Variants in SYNE2 observed in about 807,000 individuals in gnomAD.
The protein encoded by SYNE2 is spectrin repeat containing nuclear envelope protein 2.
Under a neutral mutation model 856.3 loss-of-function variants are expected in SYNE2, and 431 were observed. That is an observed-to-expected ratio of 0.50 (90% CI 0.47 to 0.55). The LOEUF (loss-of-function observed/expected upper bound fraction) is 0.55, where lower values mean the gene tolerates loss of function less well. Ranked by LOEUF, SYNE2 falls within the 20% of genes least tolerant of loss-of-function variation. The probability of loss-of-function intolerance (pLI) is 0.00; values close to 1 mark genes in which losing one functional copy is unlikely to be tolerated. For missense variants in SYNE2, 8,129 were observed against 8,023.2 expected (o/e 1.01, Z -0.50); for synonymous variants, 2,923 against 2,872.3 (o/e 1.02, Z -0.56).
rs796655479 is a variant in SYNE2, at chr14:63,779,165, C to CA, written c.-305+17190dup. Among the ~76,000 whole-genome samples the CA allele has an allele frequency of 4.7e-3, 665 of 140,852 alleles. 3 individuals carry two copies. The highest frequency in any genetic ancestry group is 0.036 in the Middle Eastern group (10 of 276). The allele number at this position is 140,852 out of a possible 152,430, so 92.4% of individuals were successfully genotyped here. On this transcript the variant is annotated intron_variant, in intron 1 of 23. Coordinates refer to the SYNE2 transcript ENST00000674003. ...TGAAACCCCATTTCTACTAAAAATA[C>CA]AAAAAAAAAAATAGCCTGACATGGT...
intron 84 of SYNE2, among the ~76,000 whole-genome samples, chr14:64,151,279 A>G (rs1567472909): frequency 6.6e-6 from 1 of 151,898 alleles, no homozygotes; most frequent in South Asian, 2.1e-4. Flanking sequence ...GCGGGACTGG[A>G]TTTCAGTGCT....
intron 1 of SYNE2, among the ~76,000 whole-genome samples, chr14:63,855,717 C>T (rs908815470): frequency 6.6e-6 from 1 of 152,194 alleles, no homozygotes; most frequent in African/African-American, 2.4e-5. Context: ...GCACTTATGG[C>T]TATATCATAT....
intron 50 of SYNE2, among the ~76,000 whole-genome samples, chr14:64,065,183 T>C (rs2097349433): frequency 6.6e-6 from 1 of 151,928 alleles, no homozygotes; most frequent in African/African-American, 2.4e-5. Flanking sequence ...TTTGAAAGTA[T>C]GTTCTTTCTT....
At position 64,211,301 on chromosome 14, in the gene SYNE2, G is replaced by T. The variant is rs17101717; in HGVS notation, c.18724-660G>T. Among the ~76,000 whole-genome samples, 402 of 152,280 alleles carry T rather than the reference G, an allele frequency of 2.6e-3. 3 individuals carry two copies. Among genetic ancestry groups the T allele is most frequent in the African/African-American group, 9.3e-3 (386 of 41,556 alleles). ...CCTCTTGCATTAATTATCTCCTGCC[G>T]ATCTGGCTGTGGCTAATCTGCCTTC... is the stretch of plus-strand genomic sequence containing the variant. On this transcript the variant is annotated intron_variant, in intron 103 of 115. Coordinates refer to ENST00000555002, the MANE Select transcript of SYNE2 (RefSeq NM_182914.3).
chr14:64,170,679 G>A (rs542134334), intron 94 of SYNE2, among the ~76,000 whole-genome samples: 1 of 152,214 alleles, frequency 6.6e-6, no homozygotes, highest in Non-Finnish European at 1.5e-5. Flanking sequence ...AAATACTAGG[G>A]TTCTCTTGGG....
chr14:64,108,490 T>TG (rs906642031), intron 65 of SYNE2, among the ~76,000 whole-genome samples: 3 of 152,128 alleles, frequency 2.0e-5, no homozygotes, highest in African/African-American at 7.2e-5. Flanking sequence ...CAGCAGGGTG[T>TG]GGGGGATGGG....
At chr14:64,136,643 C>G (rs1404305807) in intron 78 of SYNE2, among the ~76,000 whole-genome samples, 2 of 152,130 alleles carry the variant, frequency 1.3e-5, no homozygotes, top group Non-Finnish European at 2.9e-5. Flanking sequence ...CAAAGAATTT[C>G]ATTTTTCTTT....
At chr14:63,837,173 G>A (rs931477399) in intron 1 of SYNE2, among the ~76,000 whole-genome samples, 1 of 152,148 alleles carries the variant, frequency 6.6e-6, no homozygotes, top group African/African-American at 2.4e-5. Context: ...TTTAACACGA[G>A]TGCCAAGAAA....
chr14:63,948,774 G>GTATATATA (rs2096087128), intron 6 of SYNE2, among the ~76,000 whole-genome samples: 2 of 39,696 alleles, frequency 5.0e-5, no homozygotes, highest in African/African-American at 7.1e-5. Flanking sequence ...ATATATGTAT[G>GTATATATA]TGTGTGTGTA....
chr14:64,138,912 T>TTGTGTGTGTGTGTGTGTG (rs143789075), intron 79 of SYNE2, among the ~76,000 whole-genome samples: 1 of 144,232 alleles, frequency 6.9e-6, no homozygotes, highest in Non-Finnish European at 1.5e-5. Flanking sequence ...CAAATGCTGG[T>TTGTGTGTGTGTGTGTGTG]TGTGTGTGTG....
chr14:63,805,624 C>T (rs1458486134), intron 1 of SYNE2, among the ~76,000 whole-genome samples: 1 of 122,684 alleles, frequency 8.2e-6, no homozygotes, highest in Non-Finnish European at 1.8e-5. Flanking sequence ...ATCCGCCCGC[C>T]TCGGCCTTCC....
At chr14:63,917,712 T>G (rs1174247336) in intron 2 of SYNE2, among the ~76,000 whole-genome samples, 4 of 152,068 alleles carry the variant, frequency 2.6e-5, no homozygotes, top group African/African-American at 9.7e-5. Context: ...TCAGGTGATC[T>G]GCCTGCCTTG....
In SYNE2 at chr14:64,003,070, A is replaced by C; in HGVS notation, c.4137A>C (p.Lys1379Asn). 1 of 1,614,174 alleles carries C rather than the reference A, an allele frequency of 6.2e-7. No individual in the cohort carries two copies. The highest frequency in any genetic ancestry group is 8.5e-7 in the Non-Finnish European group (1 of 1,180,022). ...AAGACAAGGCCAAACATTTGGATAA[A>C]TGTTTGAAGATGCTCGATATGAGCT... ...LMKDKAKHLD[K>N]CLKMLDMSFK... The change falls in exon 30 of 116, where the codon AAA becomes AAC. Residue 1379 changes from lysine to asparagine, a missense_variant. By Grantham distance (94) the Lys-to-Asn change is moderately conservative. Around this residue, in one of 3 missense-constraint regions of SYNE2, gnomAD observed 2,422 missense variants for 2,357.4 expected, o/e 1.03. Transcript: ENST00000555002.
intron 2 of SYNE2, among the ~76,000 whole-genome samples, chr14:63,939,076 G>A (rs12891546): frequency 0.11 from 16,940 of 152,182 alleles, 1,284 homozygotes; most frequent in African/African-American, 0.21. Context: ...TGGCAAGGCC[G>A]TAAGCATTGG....
At chr14:63,793,998 C>T (rs76519378) in intron 1 of SYNE2, among the ~76,000 whole-genome samples, 14,124 of 151,784 alleles carry the variant, frequency 0.093, 877 homozygotes, top group Non-Finnish European at 0.14. Context: ...TGCACATGTC[C>T]TGCCTGAAAT....
rs944200875 is a variant in SYNE2 at position 64,221,609 on chromosome 14, T to G, written c.20095T>G (p.Trp6699Gly). The change falls in exon 112 of 116, where the codon TGG becomes GGG. Residue 6699 changes from tryptophan to glycine, a missense_variant. This residue lies in a region of SYNE2 where 5,410 missense variants were observed against 5,284.8 expected (regional missense o/e 1.02). Coordinates refer to ENST00000555002, the MANE Select transcript of SYNE2 (RefSeq NM_182914.3). ...CCAGTTGAGTCAAAATCTGCTGCTG[T>G]GGTTAGCGAGTGCCAAGAACCGGAG... is the stretch of plus-strand genomic sequence containing the variant. Reference protein sequence around the residue: ...FHQLSQNLLLWLASAKNRRQK... With the variant: ...FHQLSQNLLLGLASAKNRRQK... 11 of 1,614,170 alleles carry G rather than the reference T, an allele frequency of 6.8e-6. No individual in the cohort carries two copies. Among genetic ancestry groups the G allele is most frequent in the Non-Finnish European group, 9.3e-6 (11 of 1,180,032 alleles).
At chr14:64,179,462 C>T (rs1252325488) in intron 96 of SYNE2, among the ~76,000 whole-genome samples, 1 of 152,240 alleles carries the variant, frequency 6.6e-6, no homozygotes, top group Non-Finnish European at 1.5e-5. Flanking sequence ...TTTTTTCCCT[C>T]ATTGTGATTT....
intron 23 of SYNE2, among the ~76,000 whole-genome samples, chr14:63,996,541 G>C (rs114022847): frequency 6.6e-6 from 1 of 151,892 alleles, no homozygotes; most frequent in African/African-American, 2.4e-5. Flanking sequence ...GAGACACCTG[G>C]TGCTTTTCAT....
At chr14:64,045,741 A>G (rs1387321642) in intron 45 of SYNE2, among the ~76,000 whole-genome samples, 1 of 152,250 alleles carries the variant, frequency 6.6e-6, no homozygotes, top group Non-Finnish European at 1.5e-5. Flanking sequence ...AATGCCAATT[A>G]AGTACTTCAA....
Sources: gnomAD v4.1 joint callset for allele counts (sites outside exome capture counted in the v4.1 genomes callset) on GRCh38, gnomAD v4.1.1 for gene constraint, gnomAD v4.1.1 regional missense constraint, MANE v1.5 for transcripts, NCBI Gene and HGNC (gene_info 2026-07-23, HGNC 2026-07-21) for gene names.